The following AIMP1 variants were observed in gnomAD, a reference collection of about 807,000 sequenced individuals.
AIMP1 encodes the protein aminoacyl tRNA synthetase complex interacting multifunctional protein 1.
A neutral mutation model predicts 33.1 loss-of-function variants in AIMP1; 24 were observed. The ratio of observed to expected loss-of-function variants is 0.73; its 90% CI spans 0.53 to 1.02. The LOEUF (loss-of-function observed/expected upper bound fraction) is 1.02, where lower values mean the gene tolerates loss of function less well. Among genes scored for constraint, AIMP1 ranks in the 50% least tolerant of loss-of-function variants. AIMP1 has a pLI of 0.00. For missense variants in AIMP1, 367 were observed against 364.8 expected (o/e 1.01, Z -0.05); for synonymous variants, 120 against 121.5 (o/e 0.99, Z 0.08).
intron 5 of AIMP1, among the ~76,000 whole-genome samples, chr4:106,332,687 T>A (rs1434083613): frequency 6.7e-6 from 1 of 149,972 alleles, no homozygotes; most frequent in East Asian, 1.9e-4. Context: ...ATACTCATTA[T>A]ACATCTGTCT....
At chr4:106,339,664 CAAT>C (rs1338129129) in intron 6 of AIMP1, among the ~76,000 whole-genome samples, 1 of 152,044 alleles carries the variant, frequency 6.6e-6, no homozygotes, top group Admixed American at 6.5e-5. Flanking sequence ...CTAACTAAAG[CAAT>C]AATATTAATA....
chr4:106,339,705 A>G, intron 6 of AIMP1, among the ~76,000 whole-genome samples: 1 of 152,226 alleles, frequency 6.6e-6, no homozygotes, highest in East Asian at 1.9e-4. Flanking sequence ...TATGACGTGG[A>G]TAGAGAACAG....
At chr4:106,344,563 T>C (rs534510855) in intron 6 of AIMP1, among the ~76,000 whole-genome samples, 1 of 152,306 alleles carries the variant, frequency 6.6e-6, no homozygotes, top group South Asian at 2.1e-4. Context: ...TCTTCTAACT[T>C]ATCATCCTGC....
At chr4:106,315,768 T>C (rs1768759221), upstream of AIMP1, 1 of 152,342 alleles carries the variant, frequency 6.6e-6, no homozygotes, top group African/African-American at 2.4e-5. Context: ...AAAGGCGGGC[T>C]GTAGCTAGGG....
intron 1 of AIMP1, among the ~76,000 whole-genome samples, chr4:106,321,772 AAAAG>A (rs759915290): frequency 7.0e-4 from 107 of 152,360 alleles, no homozygotes; most frequent in Middle Eastern, 3.4e-3. Flanking sequence ...AAATGTGGGG[AAAAG>A]AAAGAGAGAT....
chr4:106,332,180 G>GTA (rs1027669107), intron 5 of AIMP1, among the ~76,000 whole-genome samples: 15 of 151,458 alleles, frequency 9.9e-5, no homozygotes, highest in East Asian at 3.9e-4. Flanking sequence ...CTATTGGTGT[G>GTA]TATATATATA....
intron 1 of AIMP1, chr4:106,321,505 C>G (rs1048447022): frequency 6.4e-6 from 1 of 156,026 alleles, no homozygotes; most frequent in Admixed American, 6.5e-5. Flanking sequence ...AGCCCCTCCG[C>G]CCGGCAGCCG....
rs1446486372 is a variant in AIMP1, at chr4:106,331,657, A to C, written c.392-15A>C. ...TTTTATTTCTGATGTTTACCCATTCATAAATACTTTTTAGGAGAGAAGAAG... is the reference window on the plus strand; with the variant it reads ...TTTTATTTCTGATGTTTACCCATTCCTAAATACTTTTTAGGAGAGAAGAAG... On this transcript the variant is annotated splice_polypyrimidine_tract_variant and intron_variant, in intron 4 of 6. Coordinates refer to ENST00000672341, the MANE Select transcript of AIMP1 (RefSeq NM_001142416.2). The C allele has an allele frequency of 6.2e-7, 1 of 1,612,040 alleles. No individual in the cohort carries two copies. The highest frequency in any genetic ancestry group is 1.7e-5 in the Admixed American group (1 of 59,950).
intron 6 of AIMP1, among the ~76,000 whole-genome samples, chr4:106,341,413 T>C (rs1770096486): frequency 6.6e-6 from 1 of 152,212 alleles, no homozygotes; most frequent in African/African-American, 2.4e-5. Flanking sequence ...TCTAGGATTT[T>C]TAAGTTTTAG....
rs535538522 is a variant in AIMP1 at position 106,339,931 on chromosome 4, C to G, written c.772+2894C>G. On this transcript the variant is annotated intron_variant, in intron 6 of 6. Transcript: ENST00000672341. ...AGTTTCATTTTGTATTGCCTGTTTT[C>G]TCTAATAAAAATACTCCTGAGACAG... 2.3e-3 allele frequency among the ~76,000 whole-genome samples: 353 copies of G among 152,080 alleles called. 1 individual carries two copies. The highest frequency in any genetic ancestry group is 0.01 in the South Asian group (49 of 4,816).
chr4:106,342,190 C>T (rs1770123661), intron 6 of AIMP1, among the ~76,000 whole-genome samples: 1 of 152,140 alleles, frequency 6.6e-6, no homozygotes, highest in African/African-American at 2.4e-5. Flanking sequence ...AGCCTTTTGG[C>T]AGAGTCTGTA....
chr4:106,345,876 TAATATAA>T (rs1206489449), intron 6 of AIMP1, among the ~76,000 whole-genome samples: 4 of 148,072 alleles, frequency 2.7e-5, no homozygotes, highest in Admixed American at 2.0e-4. Flanking sequence ...TTTATATTCC[TAATATAA>T]AATATAAATA....
rs1006440156 is a variant in AIMP1, at chr4:106,316,598, A to T, written c.-26+4A>T. The T allele has an allele frequency of 7.1e-6, 11 of 1,551,112 alleles. No individual in the cohort carries two copies. Reference sequence around the variant, plus strand: ...AACCCGTGGTCCTCCGCTTCATGTGAGTGACGTCGTGGCGGGTCACTCACT... The same window carrying T: ...AACCCGTGGTCCTCCGCTTCATGTGTGTGACGTCGTGGCGGGTCACTCACT... On this transcript the variant is annotated splice_donor_region_variant and intron_variant, in intron 1 of 6. Transcript: ENST00000672341.
At chr4:106,326,832 G>A in intron 2 of AIMP1, among the ~76,000 whole-genome samples, 1 of 151,990 alleles carries the variant, frequency 6.6e-6, no homozygotes. Context: ...CTGGAATACA[G>A]TGGCACTATC....
intron 6 of AIMP1, among the ~76,000 whole-genome samples, chr4:106,344,807 T>G (rs1770234132): frequency 6.6e-6 from 1 of 151,098 alleles, no homozygotes; most frequent in Non-Finnish European, 1.5e-5. Flanking sequence ...ATTCGCTTAC[T>G]CATCTTATTC....
At chr4:106,336,683 T>A (rs1273106189) in intron 5 of AIMP1, among the ~76,000 whole-genome samples, 186 bp from the exon 6 acceptor site, 1 of 151,700 alleles carries the variant, frequency 6.6e-6, no homozygotes, top group Non-Finnish European at 1.5e-5. Flanking sequence ...TTTGGAGGAA[T>A]TTTTTTTTCA....
At chr4:106,340,007 A>T (rs1770034736) in intron 6 of AIMP1, among the ~76,000 whole-genome samples, 2 of 152,200 alleles carry the variant, frequency 1.3e-5, no homozygotes, top group Non-Finnish European at 2.9e-5. Context: ...TCTTTGAAGC[A>T]GAAGAGAAAA....
intron 1 of AIMP1, among the ~76,000 whole-genome samples, chr4:106,323,286 T>G (rs1769335000): frequency 6.6e-6 from 1 of 152,042 alleles, no homozygotes; most frequent in Middle Eastern, 3.4e-3. Context: ...TCTTAGAAGA[T>G]TTTTTATATG....
intron 6 of AIMP1, among the ~76,000 whole-genome samples, chr4:106,342,469 A>G (rs917207460): frequency 2.6e-5 from 4 of 152,158 alleles, no homozygotes; most frequent in African/African-American, 9.7e-5. Context: ...TTTGATGCCT[A>G]GTCTATTGAG....
Sources: allele counts gnomAD v4.1 joint callset (sites outside exome capture counted in the v4.1 genomes callset), GRCh38; gene constraint gnomAD v4.1.1; transcripts MANE v1.5; gene names NCBI Gene and HGNC (gene_info 2026-07-23, HGNC 2026-07-21).